Variants in PLCB1 observed in about 807,000 individuals in gnomAD.
The protein encoded by PLCB1 is 1-phosphatidylinositol 4,5-bisphosphate phosphodiesterase beta-1.
PLCB1 carries 46 observed loss-of-function variants against 161.8 expected under a neutral mutation model. The ratio of observed to expected loss-of-function variants is 0.28; its 90% CI spans 0.22 to 0.36. PLCB1 has a LOEUF of 0.36. Ranked by LOEUF, PLCB1 falls within the 10% of genes least tolerant of loss-of-function variation. The pLI is 1.00. For synonymous variants in PLCB1, 517 were observed against 503.7 expected, an observed-to-expected ratio of 1.03 and a Z score of -0.35; for missense variants, 1,016 against 1,472.5, an observed-to-expected ratio of 0.69 and a Z score of 5.07.
intron 23 of PLCB1, among the ~76,000 whole-genome samples, chr20:8,742,348 G>T (rs1000634759): frequency 6.6e-6 from 1 of 152,146 alleles, no homozygotes; most frequent in African/African-American, 2.4e-5. Flanking sequence ...AGTATTGGGG[G>T]AAAAAACCTT....
intron 2 of PLCB1, among the ~76,000 whole-genome samples, chr20:8,304,508 T>G (rs779009327): frequency 6.6e-6 from 1 of 151,526 alleles, no homozygotes; most frequent in African/African-American, 2.4e-5. Flanking sequence ...CCAAACACAA[T>G]GAATCAAAAA....
intron 10 of PLCB1, among the ~76,000 whole-genome samples, chr20:8,695,632 G>T (rs1012845127): frequency 6.6e-6 from 1 of 152,134 alleles, no homozygotes; most frequent in Non-Finnish European, 1.5e-5. Context: ...AGCCTAGGGG[G>T]TTGAAGCTTC....
chr20:8,716,198 CA>C, intron 12 of PLCB1, 65 bp from the exon 13 acceptor site: 1 of 1,167,942 alleles, frequency 8.6e-7, no homozygotes, highest in Non-Finnish European at 1.3e-6. Flanking sequence ...TAACACAAAG[CA>C]ATCCTGTTCA....
intron 3 of PLCB1, among the ~76,000 whole-genome samples, chr20:8,584,508 G>T (rs989987157): frequency 9.8e-6 from 1 of 102,498 alleles, no homozygotes; most frequent in African/African-American, 4.1e-5. Context: ...ACACACACAC[G>T]TGGAGCCCCC....
chr20:8,379,203 T>C (rs958577953), intron 3 of PLCB1, among the ~76,000 whole-genome samples: 18 of 152,158 alleles, frequency 1.2e-4, no homozygotes, highest in Non-Finnish European at 2.5e-4. Context: ...CATGCAGTGT[T>C]TGATTTTCTG....
intron 26 of PLCB1, among the ~76,000 whole-genome samples, chr20:8,771,714 A>C (rs980275151): frequency 6.6e-6 from 1 of 152,170 alleles, no homozygotes; most frequent in Non-Finnish European, 1.5e-5. Context: ...ATAGTATCTA[A>C]AGATACGTCA....
chr20:8,697,575 G>A, intron 10 of PLCB1, 51 bp from the exon 11 acceptor site: 1 of 1,594,528 alleles, frequency 6.3e-7, no homozygotes, highest in Non-Finnish European at 8.6e-7. Flanking sequence ...AAGCACCACG[G>A]TCATCCTTGC....
In PLCB1 at chr20:8,531,232, G is replaced by A. The variant is rs113725192; in HGVS notation, c.247-97062G>A. On this transcript the variant is annotated intron_variant, in intron 3 of 31. Transcript: ENST00000338037. ...ATTCAGACCCATGTAACAAAAGACC[G>A]TAATTCTCTGCTCTGTAAAAGAATT... is the stretch of plus-strand genomic sequence containing the variant. Among the ~76,000 whole-genome samples the A allele has an allele frequency of 5.5e-3, 840 of 152,158 alleles. 5 individuals are homozygous for A. Among genetic ancestry groups the A allele is most frequent in the African/African-American group, 0.019 (777 of 41,546 alleles).
At chr20:8,762,080 C>A (rs1331059451) in intron 25 of PLCB1, among the ~76,000 whole-genome samples, 1 of 151,872 alleles carries the variant, frequency 6.6e-6, no homozygotes, top group Non-Finnish European at 1.5e-5. Context: ...TGTGGTGGCG[C>A]GCACCTATAA....
intron 31 of PLCB1, among the ~76,000 whole-genome samples, chr20:8,817,020 C>G (rs1399923643): frequency 6.6e-6 from 1 of 152,072 alleles, no homozygotes; most frequent in Non-Finnish European, 1.5e-5. Context: ...GTTAATGAGC[C>G]CTTCAAACTT....
chr20:8,681,086 G>GTGTGTATATATATA (rs1394518085), intron 9 of PLCB1, among the ~76,000 whole-genome samples: 12 of 73,840 alleles, frequency 1.6e-4, no homozygotes, highest in East Asian at 4.2e-4. Flanking sequence ...ATGTGTGTGT[G>GTGTGTATATATATA]TATATATATA....
chr20:8,725,979 A>G (rs1299159727), intron 16 of PLCB1, among the ~76,000 whole-genome samples: 1 of 152,186 alleles, frequency 6.6e-6, no homozygotes. Context: ...TGCTTAATTT[A>G]ATAAGTCATA....
intron 27 of PLCB1, among the ~76,000 whole-genome samples, chr20:8,782,468 C>A (rs1983288221): frequency 6.6e-6 from 1 of 152,194 alleles, no homozygotes; most frequent in Non-Finnish European, 1.5e-5. Flanking sequence ...ACTTGGTGCA[C>A]TGCAGCCTCC....
intron 2 of PLCB1, among the ~76,000 whole-genome samples, chr20:8,315,729 A>C (rs1218854976): frequency 6.6e-6 from 1 of 152,078 alleles, no homozygotes; most frequent in African/African-American, 2.4e-5. Context: ...ATTTCCTGCT[A>C]TTCTGCCCCA....
At chr20:8,662,304 T>C (rs1317500627) in intron 9 of PLCB1, among the ~76,000 whole-genome samples, 5 of 118,814 alleles carry the variant, frequency 4.2e-5, no homozygotes, top group Non-Finnish European at 1.6e-5. Context: ...TTATTTATTA[T>C]ATAATTATGT....
At chr20:8,726,913 T>A (rs1474851749) in intron 16 of PLCB1, among the ~76,000 whole-genome samples, 6 of 152,104 alleles carry the variant, frequency 3.9e-5, no homozygotes, top group Non-Finnish European at 8.8e-5. Context: ...AGCACAAACA[T>A]TCCCATGGTC....
chr20:8,306,588 G>A (rs967637857), intron 2 of PLCB1, among the ~76,000 whole-genome samples: 2 of 152,222 alleles, frequency 1.3e-5, no homozygotes, highest in African/African-American at 4.8e-5. Context: ...TTGGAATCAA[G>A]CGAAGTAATG....
intron 2 of PLCB1, among the ~76,000 whole-genome samples, chr20:8,328,392 G>T (rs1030223154): frequency 2.0e-5 from 3 of 151,994 alleles, no homozygotes; most frequent in Non-Finnish European, 2.9e-5. Context: ...GGAGTTGCTG[G>T]TATCTGCAGC....
chr20:8,633,160 A>G (rs2123237358), intron 4 of PLCB1, among the ~76,000 whole-genome samples: 1 of 151,860 alleles, frequency 6.6e-6, no homozygotes, highest in South Asian at 2.1e-4. Context: ...ATTATAAAGA[A>G]GGAAGTGATG....
Sources: gnomAD v4.1 joint callset for allele counts (sites outside exome capture counted in the v4.1 genomes callset) on GRCh38, gnomAD v4.1.1 for gene constraint, MANE v1.5 for transcripts, NCBI Gene and HGNC (gene_info 2026-07-23, HGNC 2026-07-21) for gene names.